ILKAP: variants seen among roughly 807,000 people sequenced by gnomAD.
ILKAP encodes ILK associated serine/threonine phosphatase, also known as integrin-linked kinase-associated serine/threonine phosphatase 2C.
Under a neutral mutation model 49.1 loss-of-function variants are expected in ILKAP, and 11 were observed. The ratio of observed to expected loss-of-function variants is 0.22; its 90% confidence interval spans 0.14 to 0.37. ILKAP has a LOEUF of 0.37. Ranked by LOEUF, ILKAP falls within the 10% of genes least tolerant of loss-of-function variation. The pLI is 1.00. For missense variants in ILKAP, 363 were observed against 510.8 expected, an observed-to-expected ratio of 0.71 and a Z score of 2.79; for synonymous variants, 186 against 192.8, an observed-to-expected ratio of 0.96 and a Z score of 0.29.
At chr2:238,172,761 A>G (rs561506302) in intron 10 of ILKAP, among the ~76,000 whole-genome samples, 16 of 152,230 alleles carry the variant, frequency 1.1e-4, no homozygotes, top group Non-Finnish European at 1.8e-4. Flanking sequence ...CACTCGCCAC[A>G]GTGCCACTAG....
At position 238,190,001 on chromosome 2, in the gene ILKAP, A is replaced by C; in HGVS notation, c.179-29T>G. 2.5e-6 allele frequency: 4 copies of C among 1,612,574 alleles called. No homozygotes were observed. In the Middle Eastern group the frequency reaches 5.0e-4, roughly 200 times the overall value. On this transcript the variant is annotated intron_variant, in intron 3 of 11. Transcript: ENST00000254654. The stretch of plus-strand genomic sequence containing the variant: ...GAAATAAAGTAAAAGCCAGACAGAA[A>C]CACAGCTGTAGACTGTTGGAAAAAG...
In ILKAP at chr2:238,170,574, C is replaced by T. The variant is rs1349105256; in HGVS notation, c.1141G>A (p.Asp381Asn). Residue 381 changes from aspartate (D) to asparagine (N), a missense_variant, in exon 12 of 12, where the codon GAC becomes AAC. Asp to Asn is a conservative substitution (Grantham distance 23). This residue lies in a region of ILKAP where 83 missense variants were observed against 87.5 expected (regional missense o/e 0.95). Transcript: ENST00000254654. ...ANKAVQRGSA[D>N]NVTVMVVRIG... is the part of the protein sequence containing the mutation. ...CGCACCACCATCACAGTGACGTTGT[C>T]GGCCGAGCCCCGCTGCACCGCCTTG... 6 of 1,607,044 alleles carry T rather than the reference C, an allele frequency of 3.7e-6. No homozygotes were observed. Among genetic ancestry groups the T allele is most frequent in the African/African-American group, 1.3e-5 (1 of 74,818 alleles).
chr2:238,195,377 T>G (rs962006889), intron 1 of ILKAP, among the ~76,000 whole-genome samples: 2 of 152,098 alleles, frequency 1.3e-5, no homozygotes, highest in African/African-American at 2.4e-5. Context: ...TGGAACCTGG[T>G]GTCCCTAGCC....
chr2:238,189,779 G>T, intron 4 of ILKAP, 74 bp downstream of exon 4: 2 of 1,390,784 alleles, frequency 1.4e-6, no homozygotes, highest in Non-Finnish European at 2.0e-6. Context: ...TTATTAGAAA[G>T]CTGAAACTGG....
At chr2:238,189,598 C>A in intron 4 of ILKAP, 2 of 269,630 alleles carry the variant, frequency 7.4e-6, no homozygotes, top group Non-Finnish European at 7.0e-6. Context: ...AGAAAAAAAC[C>A]ACCTGTATTT....
At chr2:238,200,256 C>T (rs1200263397) in intron 1 of ILKAP, among the ~76,000 whole-genome samples, 2 of 152,046 alleles carry the variant, frequency 1.3e-5, no homozygotes, top group African/African-American at 4.8e-5. Context: ...ATTCATTCAG[C>T]AATTAAAACT....
chr2:238,184,705 C>A (rs1190442537), intron 6 of ILKAP, among the ~76,000 whole-genome samples: 2 of 150,364 alleles, frequency 1.3e-5, no homozygotes, highest in Non-Finnish European at 3.0e-5. Context: ...GGACCACAGG[C>A]ACATACCACC....
At chr2:238,199,656 G>A (rs1391146132) in intron 1 of ILKAP, among the ~76,000 whole-genome samples, 2 of 151,726 alleles carry the variant, frequency 1.3e-5, no homozygotes, top group African/African-American at 4.8e-5. Context: ...CATTTGTCCT[G>A]CAGAAATTTT....
At chr2:238,196,794 A>G (rs1045735494) in intron 1 of ILKAP, among the ~76,000 whole-genome samples, 3 of 152,244 alleles carry the variant, frequency 2.0e-5, no homozygotes, top group African/African-American at 7.2e-5. Context: ...AATGTATTCT[A>G]ATCCTTCAGG....
Position 238,203,578 on chromosome 2 carries a change from G to A in ILKAP, c.-25C>T, listed in dbSNP as rs1694669101. 1 of 1,148,108 alleles carries A rather than the reference G, an allele frequency of 8.7e-7. No homozygotes were observed. The allele number at this position is 1,148,108 out of a possible 1,614,324, so 71.1% of individuals were successfully genotyped here. ...TGGCGGAGGCTGGGTGGAGGCGGCAGCAGCGACAGACACTCAGCCCGCGAG... is the reference window on the plus strand; with the variant it reads ...TGGCGGAGGCTGGGTGGAGGCGGCAACAGCGACAGACACTCAGCCCGCGAG... On this transcript the variant is annotated 5_prime_UTR_variant, in exon 1 of 12. Coordinates refer to ENST00000254654, the MANE Select transcript of ILKAP (RefSeq NM_030768.3).
chr2:238,198,640 CT>C (rs999977230), intron 1 of ILKAP, among the ~76,000 whole-genome samples: 5 of 152,140 alleles, frequency 3.3e-5, no homozygotes, highest in Admixed American at 3.3e-4. Context: ...GGCCCCTCCC[CT>C]AATCTTAAAA....
intron 9 of ILKAP, among the ~76,000 whole-genome samples, chr2:238,177,745 C>T (rs1693522721): frequency 6.6e-6 from 1 of 152,140 alleles, no homozygotes; most frequent in Non-Finnish European, 1.5e-5. Context: ...GGTTGCTTCC[C>T]CCTTTTCCCC....
At chr2:238,196,717 T>C (rs1407087012) in intron 1 of ILKAP, among the ~76,000 whole-genome samples, 5 of 152,178 alleles carry the variant, frequency 3.3e-5, no homozygotes, top group Admixed American at 3.3e-4. Flanking sequence ...GTACCTAAAA[T>C]ACACAAGAAA....
intron 9 of ILKAP, among the ~76,000 whole-genome samples, chr2:238,181,425 T>C (rs1457803991): frequency 6.6e-6 from 1 of 152,176 alleles, no homozygotes; most frequent in Non-Finnish European, 1.5e-5. Flanking sequence ...AGCAGACATA[T>C]GGTTTTCAAA....
chr2:238,172,757 CCA>C (rs1693282847), intron 10 of ILKAP, among the ~76,000 whole-genome samples: 2 of 152,214 alleles, frequency 1.3e-5, no homozygotes, highest in Admixed American at 1.3e-4. Flanking sequence ...GGCCCACTCG[CCA>C]CAGTGCCACT....
At chr2:238,188,794 A>T (rs1694005970) in intron 4 of ILKAP, among the ~76,000 whole-genome samples, 1 of 152,188 alleles carries the variant, frequency 6.6e-6, no homozygotes, top group Non-Finnish European at 1.5e-5. Flanking sequence ...GCAGGCAGAG[A>T]TCTATTTACA....
At chr2:238,197,757 A>G (rs1281449377) in intron 1 of ILKAP, among the ~76,000 whole-genome samples, 2 of 152,176 alleles carry the variant, frequency 1.3e-5, no homozygotes, top group Non-Finnish European at 2.9e-5. Flanking sequence ...TCAATTAAAC[A>G]CAATGAGACC....
intron 9 of ILKAP, among the ~76,000 whole-genome samples, chr2:238,177,067 T>G (rs1207490418): frequency 6.6e-6 from 1 of 152,206 alleles, no homozygotes; most frequent in Non-Finnish European, 1.5e-5. Context: ...TCAGCTGCCT[T>G]CCTTGTAAAA....
intron 5 of ILKAP, 47 bp downstream of exon 5, chr2:238,188,084 C>A (rs1245324214): frequency 3.7e-6 from 6 of 1,607,076 alleles, no homozygotes; most frequent in Non-Finnish European, 4.3e-6. Flanking sequence ...CAGTCAGAAC[C>A]CAGGAGATGT....
Sources: allele counts gnomAD v4.1 joint callset (sites outside exome capture counted in the v4.1 genomes callset), GRCh38; gene constraint gnomAD v4.1.1; regional missense constraint gnomAD v4.1.1; transcripts MANE v1.5; gene names NCBI Gene and HGNC (gene_info 2026-07-23, HGNC 2026-07-21).